Variants in TUFT1 observed in about 807,000 individuals in gnomAD.
TUFT1 encodes the protein tuftelin.
A neutral mutation model predicts 57.8 loss-of-function variants in TUFT1; 43 were observed. The observed-to-expected ratio is 0.74, with a 90% CI of 0.58 to 0.96. The LOEUF (loss-of-function observed/expected upper bound fraction) is 0.96. Among genes scored for constraint, TUFT1 ranks in the 40% least tolerant of loss-of-function variants. The probability of loss-of-function intolerance (pLI) is 0.00; values close to 1 mark genes in which losing one functional copy is unlikely to be tolerated. For missense variants in TUFT1, 459 were observed against 489.0 expected (o/e 0.94, Z 0.58); for synonymous variants, 166 against 176.7 (o/e 0.94, Z 0.48).
chr1:151,543,450 A>G (rs1211438665), intron 1 of TUFT1, among the ~76,000 whole-genome samples: 2 of 151,988 alleles, frequency 1.3e-5, no homozygotes, highest in Non-Finnish European at 2.9e-5. Context: ...GGTAAGTTAT[A>G]TTGGCAAATA....
At chr1:151,550,916 G>A (rs907142969) in intron 1 of TUFT1, among the ~76,000 whole-genome samples, 1 of 152,120 alleles carries the variant, frequency 6.6e-6, no homozygotes, top group African/African-American at 2.4e-5. Context: ...AACACAGTGA[G>A]ACCCTGTCTC....
chr1:151,581,470 TCC>T (rs1666644157), intron 12 of TUFT1, among the ~76,000 whole-genome samples, 172 bp from the exon 13 acceptor site: 1 of 151,972 alleles, frequency 6.6e-6, no homozygotes, highest in African/African-American at 2.4e-5. Context: ...CCCCAAATCT[TCC>T]CCTAGTTGTC....
rs879819828 is a variant in TUFT1 at position 151,582,725 on chromosome 1, C to T, written c.*1018C>T. On this transcript the variant is annotated 3_prime_UTR_variant, in exon 13 of 13. Transcript: ENST00000368849. ...TCTGCCTGTTTCTTCTCTCTTTCTC[C>T]TTCAAACTTGCTCTGCAGCTAAGGA... 6.5e-6 allele frequency: 1 copy of T among 154,730 alleles called. No homozygotes were observed. Among genetic ancestry groups the T allele is most frequent in the Non-Finnish European group, 1.4e-5 (1 of 69,938 alleles). 9.6% of individuals were successfully genotyped at this position (154,730 alleles called of 1,614,324 possible). A position where few individuals can be genotyped will look rare whatever the true frequency, so the allele number is the denominator to read the frequency against.
At chr1:151,564,484 T>A (rs1665999600) in intron 4 of TUFT1, 41 bp from the exon 5 acceptor site, 1 of 1,523,692 alleles carries the variant, frequency 6.6e-7, no homozygotes, top group African/African-American at 1.4e-5. Flanking sequence ...ATGCTCTCTT[T>A]CTCTACCCTA....
intron 1 of TUFT1, 111 bp from the exon 2 acceptor site, chr1:151,561,980 A>G: frequency 1.4e-6 from 2 of 1,471,734 alleles, no homozygotes; most frequent in Non-Finnish European, 9.4e-7. Context: ...TGAAGTGGTG[A>G]TGATAAGACC....
intron 1 of TUFT1, among the ~76,000 whole-genome samples, chr1:151,558,819 C>T (rs560800770): frequency 1.4e-5 from 2 of 147,456 alleles, no homozygotes; most frequent in South Asian, 2.2e-4. Flanking sequence ...GAGTCTTGCT[C>T]TGTTGCCCAG....
intron 1 of TUFT1, among the ~76,000 whole-genome samples, chr1:151,554,787 T>C (rs1665628871): frequency 7.6e-6 from 1 of 131,706 alleles, no homozygotes; most frequent in South Asian, 2.5e-4. Context: ...CACTGCAACC[T>C]CTGCCTCCAG....
intron 1 of TUFT1, among the ~76,000 whole-genome samples, chr1:151,552,376 C>CA (rs1665538444): frequency 6.6e-6 from 1 of 152,114 alleles, no homozygotes; most frequent in African/African-American, 2.4e-5. Flanking sequence ...CCTTCACCCT[C>CA]GGAAGTTTTG....
At chr1:151,565,461 C>T (rs1320913450) in intron 5 of TUFT1, among the ~76,000 whole-genome samples, 1 of 152,240 alleles carries the variant, frequency 6.6e-6, no homozygotes, top group Admixed American at 6.5e-5. Flanking sequence ...AAGGAAAGTT[C>T]TTTGTCTTGG....
rs144234916 is a variant in TUFT1 at position 151,569,337 on chromosome 1, C to T, written c.481-320C>T. On this transcript the variant is annotated intron_variant, in intron 6 of 12. Coordinates refer to ENST00000368849, the MANE Select transcript of TUFT1 (RefSeq NM_020127.3). ...TAGGCAGATAGAGGGAAGCAGGATG[C>T]ACACCTACAGACAGCATCCACATAT... is the stretch of plus-strand genomic sequence containing the variant. 2.1e-3 allele frequency among the ~76,000 whole-genome samples: 326 copies of T among 152,282 alleles called. 1 individual carries two copies. The highest frequency in any genetic ancestry group is 7.5e-3 in the African/African-American group (311 of 41,542).
At chr1:151,559,475 A>G (rs1665814594) in intron 1 of TUFT1, among the ~76,000 whole-genome samples, 1 of 152,194 alleles carries the variant, frequency 6.6e-6, no homozygotes. Flanking sequence ...AAGAATAGAT[A>G]TTTAAGGCAC....
intron 6 of TUFT1, 78 bp downstream of exon 6, chr1:151,566,306 CTT>C (rs1342505666): frequency 5.4e-6 from 6 of 1,108,850 alleles, no homozygotes; most frequent in South Asian, 1.4e-5. Context: ...TTGTTTATTG[CTT>C]TCTCTCTCTC....
chr1:151,553,765 C>T (rs1409069787), intron 1 of TUFT1, among the ~76,000 whole-genome samples: 2 of 152,162 alleles, frequency 1.3e-5, no homozygotes, highest in Non-Finnish European at 2.9e-5. Context: ...CTGCGCAATC[C>T]CAGCATCAGT....
At chr1:151,547,840 G>T (rs1665389383) in intron 1 of TUFT1, among the ~76,000 whole-genome samples, 1 of 152,222 alleles carries the variant, frequency 6.6e-6, no homozygotes, top group Non-Finnish European at 1.5e-5. Context: ...GTCACTGCTA[G>T]GCCCTAGTGT....
intron 5 of TUFT1, among the ~76,000 whole-genome samples, chr1:151,565,675 A>G (rs1666047868): frequency 1.3e-5 from 2 of 152,212 alleles, no homozygotes; most frequent in Admixed American, 6.5e-5. Context: ...TTTGGGTCAG[A>G]AATAATTGAA....
Position 151,574,919 on chromosome 1 carries a change from G to C in TUFT1, c.732G>C (p.Gln244His). 6.4e-7 allele frequency: 1 copy of C among 1,570,698 alleles called. No individual in the cohort carries two copies. The change falls in exon 9 of 13, where the codon CAG becomes CAC. Residue 244 changes from glutamine (Q) to histidine (H), a missense_variant. Coordinates refer to ENST00000368849, the MANE Select transcript of TUFT1 (RefSeq NM_020127.3). ...RRLLGMETEH[Q>H]ALLAKVREGE... ...TTTTGTGGCCCACCCAGGAGCATCA[G>C]GCCTTACTGGCGAAAGTGAGGGAAG...
intron 1 of TUFT1, among the ~76,000 whole-genome samples, chr1:151,549,402 G>T (rs1665442010): frequency 1.3e-5 from 2 of 152,158 alleles, no homozygotes; most frequent in African/African-American, 4.8e-5. Context: ...GCATTCTCCA[G>T]TTCTGGAGGA....
Position 151,582,127 on chromosome 1 carries a change from T to C in TUFT1, c.*420T>C, listed in dbSNP as rs1320333805. 2 of 467,196 alleles carry C rather than the reference T, an allele frequency of 4.3e-6. No individual in the cohort carries two copies. The highest frequency in any genetic ancestry group is 8.5e-6 in the Non-Finnish European group (2 of 234,572). 28.9% of individuals were successfully genotyped at this position (467,196 alleles called of 1,614,324 possible). ...TGTCCAGAGTGATTGGAGAATGTCC[T>C]GGGGGAATGAAGTTCCTTCCACAAA... On this transcript the variant is annotated 3_prime_UTR_variant, in exon 13 of 13. Transcript: ENST00000368849.
Position 151,581,770 on chromosome 1 carries a change from G to T in TUFT1, c.*63G>T, listed in dbSNP as rs1666653207. On this transcript the variant is annotated 3_prime_UTR_variant, in exon 13 of 13. Transcript: ENST00000368849. ...TGCCTCGGAGAAGCCCACTGCCCCT[G>T]TTGGCTGTTAACACTGCCTTTGACT... The T allele has an allele frequency of 6.3e-7, 1 of 1,575,108 alleles. No individual in the cohort carries two copies. Among genetic ancestry groups the T allele is most frequent in the African/African-American group, 1.3e-5 (1 of 74,154 alleles).
Sources: allele counts gnomAD v4.1 joint callset (sites outside exome capture counted in the v4.1 genomes callset), GRCh38; gene constraint gnomAD v4.1.1; transcripts MANE v1.5; gene names NCBI Gene and HGNC (gene_info 2026-07-23, HGNC 2026-07-21).